Variants in SND1 observed in about 807,000 individuals in gnomAD.
SND1 encodes staphylococcal nuclease domain-containing protein 1.
In SND1, 38 loss-of-function variants were observed where a neutral mutation model predicts 121.7. The observed-to-expected ratio is 0.31, with a 90% CI of 0.24 to 0.41. The LOEUF (loss-of-function observed/expected upper bound fraction) is 0.41, where lower values mean the gene tolerates loss of function less well. Ranked by LOEUF, SND1 falls within the 10% of genes least tolerant of loss-of-function variation. The pLI is 1.00. For synonymous variants in SND1, 401 were observed against 447.4 expected (o/e 0.90, Z 1.31); for missense variants, 868 against 1,184.6 (o/e 0.73, Z 3.92).
intron 16 of SND1, among the ~76,000 whole-genome samples, chr7:128,024,474 G>A (rs1803430378): frequency 6.6e-6 from 1 of 152,178 alleles, no homozygotes; most frequent in Non-Finnish European, 1.5e-5. Flanking sequence ...GCCCCCTGAG[G>A]TAGAAGCCTG....
chr7:128,022,833 G>GC (rs767428758), intron 16 of SND1, among the ~76,000 whole-genome samples: 2 of 152,064 alleles, frequency 1.3e-5, no homozygotes, highest in Non-Finnish European at 2.9e-5. Flanking sequence ...GCAGTGGACA[G>GC]CCTCCAGGAT....
chr7:127,946,039 T>C (rs1801322695), intron 15 of SND1, among the ~76,000 whole-genome samples: 1 of 152,242 alleles, frequency 6.6e-6, no homozygotes, highest in African/African-American at 2.4e-5. Context: ...GTGTACTCTC[T>C]TATTGGCTAG....
chr7:128,038,410 C>T (rs535016104), intron 16 of SND1, among the ~76,000 whole-genome samples: 2 of 152,310 alleles, frequency 1.3e-5, no homozygotes, highest in South Asian at 4.1e-4. Context: ...AGATTCTTCA[C>T]GTGTAAAGTG....
At chr7:127,722,731 G>C (rs1796517844) in intron 10 of SND1, among the ~76,000 whole-genome samples, 1 of 152,138 alleles carries the variant, frequency 6.6e-6, no homozygotes, top group Non-Finnish European at 1.5e-5. Flanking sequence ...AAATATGATT[G>C]TCTTTTGAAT....
intron 16 of SND1, among the ~76,000 whole-genome samples, chr7:128,065,767 T>C (rs1436249788): frequency 1.3e-5 from 2 of 152,208 alleles, no homozygotes; most frequent in African/African-American, 2.4e-5. Context: ...ACGCACCGAA[T>C]GGAAGGCAGC....
chr7:127,789,827 G>T (rs1466782496), intron 10 of SND1, among the ~76,000 whole-genome samples: 1 of 152,168 alleles, frequency 6.6e-6, no homozygotes, highest in Non-Finnish European at 1.5e-5. Flanking sequence ...AAAATTAGCT[G>T]AATAGAACTA....
At chr7:128,006,990 G>A (rs1414104708) in intron 16 of SND1, among the ~76,000 whole-genome samples, 1 of 152,160 alleles carries the variant, frequency 6.6e-6, no homozygotes, top group Non-Finnish European at 1.5e-5. Context: ...GTGGGTTGAG[G>A]TCACTATTTT....
intron 10 of SND1, among the ~76,000 whole-genome samples, chr7:127,743,268 A>T (rs1423507381): frequency 1.3e-5 from 2 of 152,200 alleles, no homozygotes; most frequent in Admixed American, 6.5e-5. Context: ...GAATGTTTTC[A>T]ATTTGAAGAG....
chr7:128,030,343 G>C, intron 16 of SND1: 1 of 1,614,090 alleles, frequency 6.2e-7, no homozygotes, highest in South Asian at 1.1e-5. Context: ...ACCTCCAGGT[G>C]GTGGAGGTGG....
chr7:127,932,842 G>T (rs1277899438), intron 15 of SND1, among the ~76,000 whole-genome samples: 1 of 152,168 alleles, frequency 6.6e-6, no homozygotes, highest in African/African-American at 2.4e-5. Flanking sequence ...ACAGTATAGG[G>T]TGAACACTTT....
At chr7:127,681,756 A>G (rs894812744) in intron 1 of SND1, among the ~76,000 whole-genome samples, 5 of 152,126 alleles carry the variant, frequency 3.3e-5, no homozygotes, top group Non-Finnish European at 5.9e-5. Context: ...TTCCCCATCA[A>G]ATTATCCTGG....
At chr7:128,084,997 C>CCAGATGGGCTGTGGGCA in intron 19 of SND1, 150 bp downstream of exon 19, 1 of 763,310 alleles carries the variant, frequency 1.3e-6, no homozygotes, top group Non-Finnish European at 2.0e-6. Flanking sequence ...CTTCATTGCC[C>CCAGATGGGCTGTGGGCA]ACAGCCCATC....
chr7:127,691,979 A>C (rs911506534), intron 2 of SND1, among the ~76,000 whole-genome samples: 12 of 152,050 alleles, frequency 7.9e-5, no homozygotes, highest in African/African-American at 2.7e-4. Flanking sequence ...AAAAGAAATG[A>C]ATGTCACAAT....
intron 9 of SND1, 134 bp from the exon 10 acceptor site, chr7:127,721,153 A>G (rs1394704810): frequency 3.1e-5 from 17 of 541,312 alleles, no homozygotes; most frequent in Non-Finnish European, 5.7e-5. Context: ...TTGTTGCACC[A>G]TGAAGGATGA....
intron 15 of SND1, among the ~76,000 whole-genome samples, chr7:127,931,216 A>G (rs1274969716): frequency 1.3e-5 from 2 of 152,192 alleles, no homozygotes; most frequent in Admixed American, 1.3e-4. Flanking sequence ...TGGGCAACAT[A>G]ATGAGACCCT....
At chr7:128,081,013 T>G (rs1050684257) in intron 17 of SND1, among the ~76,000 whole-genome samples, 1 of 151,992 alleles carries the variant, frequency 6.6e-6, no homozygotes, top group African/African-American at 2.4e-5. Flanking sequence ...TTCTTCTTTT[T>G]TGAGACGGAG....
chr7:128,040,172 C>T (rs10236846), intron 16 of SND1, among the ~76,000 whole-genome samples: 2 of 151,990 alleles, frequency 1.3e-5, no homozygotes, highest in Non-Finnish European at 1.5e-5. Context: ...CTGGGTCCTT[C>T]TCCAGCTTTG....
intron 11 of SND1, among the ~76,000 whole-genome samples, chr7:127,831,539 G>A (rs1251816379): frequency 6.6e-6 from 1 of 152,164 alleles, no homozygotes; most frequent in Non-Finnish European, 1.5e-5. Flanking sequence ...ACCTGCCATG[G>A]CAACAGTACA....
At chr7:127,808,163 CTTTTTTTTT>C (rs11418632) in intron 11 of SND1, among the ~76,000 whole-genome samples, 1 of 125,598 alleles carries the variant, frequency 8.0e-6, no homozygotes, top group East Asian at 2.3e-4. Flanking sequence ...TTGATGGCTT[CTTTTTTTTT>C]TTTTTTTTGA....
Sources: gnomAD v4.1 joint callset for allele counts (sites outside exome capture counted in the v4.1 genomes callset) on GRCh38, gnomAD v4.1.1 for gene constraint, MANE v1.5 for transcripts, NCBI Gene and HGNC (gene_info 2026-07-23, HGNC 2026-07-21) for gene names.